Variants in SLC22A15 observed in about 807,000 individuals in gnomAD.
SLC22A15 encodes the protein solute carrier family 22 member 15, also known as flipt 1.
Under a neutral mutation model 62.7 loss-of-function variants are expected in SLC22A15, and 45 were observed. The observed-to-expected ratio is 0.72, with a 90% CI of 0.56 to 0.92. SLC22A15 has a LOEUF of 0.92. SLC22A15 is among the 40% of genes least tolerant of loss of function. SLC22A15 has a pLI of 0.00. For synonymous variants in SLC22A15, 264 were observed against 267.0 expected (o/e 0.99, Z 0.11); for missense variants, 622 against 665.6 (o/e 0.93, Z 0.72).
rs1380495777 is a variant in SLC22A15 at position 116,019,601 on chromosome 1, G to T, written c.320G>T (p.Arg107Ile). 2 of 1,607,048 alleles carry T rather than the reference G, an allele frequency of 1.2e-6. No individual in the cohort carries two copies. Among genetic ancestry groups the T allele is most frequent in the African/African-American group, 2.7e-5 (2 of 74,290 alleles). The part of the protein sequence containing the change: ...IASEWFLIAN[R>I]SYKVSAASSF... ...CTCTAGTGGTTTTTAATTGCCAACA[G>T]ATCCTACAAAGTCAGTGCAGCAAGC... Residue 107 changes from arginine to isoleucine, a missense_variant, in exon 3 of 12, where the codon AGA (arginine) becomes ATA (isoleucine). Physicochemically the swap from Arg to Ile is moderately conservative, Grantham distance 97 (BLOSUM62 -3). Transcript: ENST00000369503.
chr1:116,020,769 C>T lies in SLC22A15; in HGVS notation c.482C>T (p.Ser161Leu), dbSNP rs778534404. 2.5e-6 allele frequency: 4 copies of T among 1,613,796 alleles called. No homozygotes were observed. The highest frequency in any genetic ancestry group is 3.4e-6 in the Non-Finnish European group (4 of 1,179,760). The change falls in exon 4 of 12, where the codon TCA (serine) becomes TTA (leucine). Residue 161 changes from serine to leucine, a missense_variant. Coordinates refer to ENST00000369503, the MANE Select transcript of SLC22A15 (RefSeq NM_018420.3). ...LFAIANGFSP[S>L]YEFFAVTRFL... ...GCAATTGCAAATGGATTTTCCCCCTCATATGAGTTCTTTGCAGTAACTCGC... is the reference window on the plus strand; with the variant it reads ...GCAATTGCAAATGGATTTTCCCCCTTATATGAGTTCTTTGCAGTAACTCGC...
chr1:116,040,865 C>T (rs1202794979), intron 8 of SLC22A15, among the ~76,000 whole-genome samples: 1 of 152,184 alleles, frequency 6.6e-6, no homozygotes, highest in Admixed American at 6.5e-5. Context: ...CTTGGCCTCC[C>T]AAAGTGCTGG....
intron 2 of SLC22A15, among the ~76,000 whole-genome samples, chr1:116,018,947 TACA>T (rs1270937654): frequency 1.3e-5 from 2 of 152,240 alleles, no homozygotes; most frequent in Non-Finnish European, 2.9e-5. Context: ...TGTATGTGCA[TACA>T]ACATTTTGTT....
intron 2 of SLC22A15, 51 bp downstream of exon 2, chr1:115,992,294 T>A: frequency 7.2e-7 from 1 of 1,379,854 alleles, no homozygotes; most frequent in Non-Finnish European, 1.0e-6. Flanking sequence ...TTTGTCCACA[T>A]AGAGCTACTC....
chr1:116,052,076 A>T (rs6428858), intron 8 of SLC22A15, among the ~76,000 whole-genome samples: 2 of 152,200 alleles, frequency 1.3e-5, no homozygotes, highest in African/African-American at 4.8e-5. Context: ...GCAGTGCACC[A>T]TGCGCGAGCC....
At chr1:116,054,097 GAC>G (rs1348509325) in intron 8 of SLC22A15, among the ~76,000 whole-genome samples, 1 of 152,026 alleles carries the variant, frequency 6.6e-6, no homozygotes, top group African/African-American at 2.4e-5. Flanking sequence ...CCAATTAAAA[GAC>G]ACAGACTGGC....
At chr1:116,022,373 C>T (rs542566336) in intron 4 of SLC22A15, among the ~76,000 whole-genome samples, 9 of 149,966 alleles carry the variant, frequency 6.0e-5, no homozygotes, top group African/African-American at 1.9e-4. Context: ...ATGCCTGCTC[C>T]CTGTATCCAG....
intron 8 of SLC22A15, among the ~76,000 whole-genome samples, chr1:116,057,546 C>A (rs1195615583): frequency 6.6e-6 from 1 of 152,170 alleles, no homozygotes; most frequent in Admixed American, 6.5e-5. Context: ...ATCCAGCCAT[C>A]CCATTACTGG....
chr1:116,058,103 T>TA lies in SLC22A15; in HGVS notation c.1172-4651dup, dbSNP rs199598474. On this transcript the variant is annotated intron_variant, in intron 8 of 11. Coordinates refer to ENST00000369503, the MANE Select transcript of SLC22A15 (RefSeq NM_018420.3). ...AAAAAAAAGAAAACAGACTAATACATAAAAAAAATAGTTGGGACTTAATTA... is the reference window on the plus strand; with the variant it reads ...AAAAAAAAGAAAACAGACTAATACATAAAAAAAAATAGTTGGGACTTAATTA... Among the ~76,000 whole-genome samples the TA allele has an allele frequency of 2.3e-4, 34 of 149,042 alleles. 1 individual carries two copies. In the East Asian group the frequency reaches 6.0e-3, roughly 26 times the overall value.
chr1:116,059,879 A>G (rs774088208), intron 8 of SLC22A15, among the ~76,000 whole-genome samples: 35 of 152,248 alleles, frequency 2.3e-4, no homozygotes, highest in South Asian at 6.2e-4. Context: ...CCAGAAAAAT[A>G]GTTCTGAAAA....
intron 8 of SLC22A15, among the ~76,000 whole-genome samples, chr1:116,051,818 C>T (rs2101534567): frequency 6.6e-6 from 1 of 152,256 alleles, no homozygotes; most frequent in East Asian, 1.9e-4. Context: ...AGAAAAACAG[C>T]AGATTTGTGA....
chr1:116,012,590 T>C (rs1570725633), intron 2 of SLC22A15, among the ~76,000 whole-genome samples: 1 of 152,316 alleles, frequency 6.6e-6, no homozygotes, highest in East Asian at 1.9e-4. Context: ...GTGTAAATGA[T>C]ACAAGTCAAT....
chr1:116,017,788 G>A (rs750382242), intron 2 of SLC22A15: 51 of 163,404 alleles, frequency 3.1e-4, no homozygotes, highest in Admixed American at 6.2e-5. Flanking sequence ...TGATTCTAGC[G>A]AAGGGGACCA....
intron 1 of SLC22A15, among the ~76,000 whole-genome samples, chr1:115,987,338 G>A (rs1395933712): frequency 2.0e-5 from 3 of 151,884 alleles, no homozygotes; most frequent in South Asian, 2.1e-4. Context: ...GCTAATTTTT[G>A]TATTTTTATT....
chr1:116,038,882 C>T (rs528590121), intron 8 of SLC22A15, among the ~76,000 whole-genome samples: 13 of 152,246 alleles, frequency 8.5e-5, no homozygotes, highest in African/African-American at 3.1e-4. Context: ...CCTATCACAC[C>T]TTCATAAGCC....
At position 116,019,707 on chromosome 1, in the gene SLC22A15, T is replaced by C. The variant is rs765614578; in HGVS notation, c.426T>C (p.Tyr142=). The change falls in exon 3 of 12, where the codon TAT becomes TAC. Residue 142 remains tyrosine, a synonymous_variant. Transcript: ENST00000369503. ...LSDRFGRKKV[Y]LTGFALDILF... ...ATCGCTTCGGAAGGAAAAAAGTCTA[T>C]CTCACAGGTAATCTATTAGAGTATT... The C allele has an allele frequency of 1.2e-6, 2 of 1,612,032 alleles. No homozygotes were observed. The highest frequency in any genetic ancestry group is 3.4e-5 in the Admixed American group (2 of 59,530).
chr1:115,987,416 G>A (rs1338480831), intron 1 of SLC22A15, among the ~76,000 whole-genome samples: 3 of 151,926 alleles, frequency 2.0e-5, no homozygotes, highest in Non-Finnish European at 4.4e-5. Context: ...TGCCTGCCTC[G>A]GCCTCCCAAA....
At position 116,008,875 on chromosome 1, in the gene SLC22A15, C is replaced by T. The variant is rs573592166; in HGVS notation, c.301-10707C>T. 3.9e-5 allele frequency among the ~76,000 whole-genome samples: 6 copies of T among 152,242 alleles called. No individual in the cohort carries two copies. In the East Asian group the frequency reaches 1.2e-3, roughly 29 times the overall value. ...GCAGCCCATCTGTGAGTGGTGTCAG[C>T]GTCTGCCTTCTACAAGGTGATGTGA... On this transcript the variant is annotated intron_variant, in intron 2 of 11. Transcript: ENST00000369503.
At chr1:116,049,372 T>C (rs1276995162) in intron 8 of SLC22A15, among the ~76,000 whole-genome samples, 1 of 152,136 alleles carries the variant, frequency 6.6e-6, no homozygotes, top group Non-Finnish European at 1.5e-5. Flanking sequence ...TCAATAAATT[T>C]AAGAAATTTG....
Sources: gnomAD v4.1 joint callset for allele counts (sites outside exome capture counted in the v4.1 genomes callset) on GRCh38, gnomAD v4.1.1 for gene constraint, MANE v1.5 for transcripts, NCBI Gene and HGNC (gene_info 2026-07-23, HGNC 2026-07-21) for gene names.